The following RAB4A variants were observed in gnomAD, a reference collection of about 807,000 sequenced individuals.
RAB4A encodes the protein ras-related protein Rab-4A.
In RAB4A, 20 loss-of-function variants were observed where a neutral mutation model predicts 34.5. That is an observed-to-expected ratio of 0.58 (90% CI 0.41 to 0.84). The LOEUF (loss-of-function observed/expected upper bound fraction) is 0.84. RAB4A is among the 40% of genes least tolerant of loss of function. The pLI is 0.00. For synonymous variants in RAB4A, 102 were observed against 100.0 expected, an observed-to-expected ratio of 1.02 and a Z score of -0.12; for missense variants, 228 against 274.5, an observed-to-expected ratio of 0.83 and a Z score of 1.20.
rs1657312344 is a variant in RAB4A at position 229,298,997 on chromosome 1, A to G, written c.466A>G (p.Ser156Gly). ...TTTAGAGCTGATGTTTTTGGAAACAAGTGCGCTCACAGGGGAGAATGTAGA... is the reference window on the plus strand; with the variant it reads ...TTTAGAGCTGATGTTTTTGGAAACAGGTGCGCTCACAGGGGAGAATGTAGA... ...QENELMFLET[S>G]ALTGENVEEA... Residue 156 changes from serine (S) to glycine (G), a missense_variant, in exon 6 of 8, where the codon AGT becomes GGT. Ser to Gly is a moderately conservative substitution (Grantham distance 56). Transcript: ENST00000366690. 1.2e-6 allele frequency: 2 copies of G among 1,609,740 alleles called. No homozygotes were observed. Among genetic ancestry groups the G allele is most frequent in the African/African-American group, 1.3e-5 (1 of 74,586 alleles).
chr1:229,302,307 ATATTT>A (rs1199178263), intron 6 of RAB4A, among the ~76,000 whole-genome samples: 8 of 34,990 alleles, frequency 2.3e-4, no homozygotes, highest in Non-Finnish European at 3.5e-4. Context: ...ATATATATAT[ATATTT>A]TTTTTTTTTT....
intron 6 of RAB4A, among the ~76,000 whole-genome samples, chr1:229,299,443 C>T (rs1657326243): frequency 6.6e-6 from 1 of 152,132 alleles, no homozygotes; most frequent in Admixed American, 6.5e-5. Context: ...GGCCAGTGGT[C>T]ATGTGTAAGG....
intron 3 of RAB4A, among the ~76,000 whole-genome samples, chr1:229,291,608 G>GT (rs1657088383): frequency 6.6e-6 from 1 of 152,148 alleles, no homozygotes; most frequent in Non-Finnish European, 1.5e-5. Context: ...TGAGTTTTCT[G>GT]TTTGTTTCCC....
intron 6 of RAB4A, among the ~76,000 whole-genome samples, chr1:229,302,620 CT>C (rs1313657428): frequency 1.3e-5 from 2 of 151,612 alleles, no homozygotes; most frequent in Non-Finnish European, 2.9e-5. Context: ...AAAAGTCCCC[CT>C]GTTACCACCC....
intron 5 of RAB4A, 117 bp downstream of exon 5, chr1:229,297,753 G>C: frequency 1.7e-6 from 2 of 1,151,404 alleles, no homozygotes; most frequent in Non-Finnish European, 2.4e-6. Context: ...TAGGAAATGT[G>C]GAATTTCCAA....
rs532853417 is a variant in RAB4A, at chr1:229,294,143, C to A, written c.228-1705C>A. Reference sequence around the variant, plus strand: ...ATGCCTCTTCCTAGGCCAGGACGGGCCTGGAGGGTGGGACCAAAAAGAGTC... The same window carrying A: ...ATGCCTCTTCCTAGGCCAGGACGGGACTGGAGGGTGGGACCAAAAAGAGTC... On this transcript the variant is annotated intron_variant, in intron 3 of 7. Coordinates refer to ENST00000366690, the MANE Select transcript of RAB4A (RefSeq NM_004578.4). Among the ~76,000 whole-genome samples the A allele has an allele frequency of 2.0e-5, 3 of 152,192 alleles. No individual in the cohort carries two copies. The South Asian group carries it at 6.2e-4, about 32-fold the overall frequency.
intron 1 of RAB4A, among the ~76,000 whole-genome samples, chr1:229,278,836 A>C (rs1204034810): frequency 1.3e-5 from 2 of 152,196 alleles, no homozygotes; most frequent in Non-Finnish European, 2.9e-5. Context: ...CCCCCACCTG[A>C]AATGATGTTG....
intron 6 of RAB4A, among the ~76,000 whole-genome samples, chr1:229,300,518 A>G (rs905617768): frequency 6.6e-6 from 1 of 152,190 alleles, no homozygotes; most frequent in Non-Finnish European, 1.5e-5. Flanking sequence ...GGACAGGACA[A>G]CTGACTCTTA....
At chr1:229,293,994 G>A (rs1185138402) in intron 3 of RAB4A, among the ~76,000 whole-genome samples, 3 of 152,294 alleles carry the variant, frequency 2.0e-5, no homozygotes, top group East Asian at 1.9e-4. Flanking sequence ...GGACAGCAGC[G>A]TGGGCAGACA....
chr1:229,297,178 A>G (rs928850742), intron 4 of RAB4A, among the ~76,000 whole-genome samples: 2 of 152,274 alleles, frequency 1.3e-5, no homozygotes, highest in South Asian at 2.1e-4. Context: ...TGCCTTGCGC[A>G]TGCTAAGAGC....
intron 3 of RAB4A, among the ~76,000 whole-genome samples, chr1:229,293,235 C>A (rs1191210524): frequency 6.6e-6 from 1 of 152,206 alleles, no homozygotes; most frequent in Non-Finnish European, 1.5e-5. Flanking sequence ...GACCCCCATC[C>A]TTTTGGTTTT....
Position 229,295,894 on chromosome 1 carries a change from G to A in RAB4A, c.274G>A (p.Val92Ile), listed in dbSNP as rs774386684. 66 of 1,613,958 alleles carry A rather than the reference G, an allele frequency of 4.1e-5. 1 individual carries two copies. Among genetic ancestry groups the A allele is most frequent in the Middle Eastern group, 1.6e-4 (1 of 6,082 alleles). Reference sequence around the variant, plus strand: ...CCGAGGCGCGGCCGGGGCTCTCCTCGTCTATGATATCACCAGGTAATGCCA... The same window carrying A: ...CCGAGGCGCGGCCGGGGCTCTCCTCATCTATGATATCACCAGGTAATGCCA... ...YYRGAAGALL[V>I]YDITSRETYN... is the part of the protein sequence containing the mutation. Residue 92 changes from valine to isoleucine, a missense_variant, in exon 4 of 8, where the codon GTC (valine) becomes ATC (isoleucine). Transcript: ENST00000366690.
chr1:229,288,683 T>C (rs778317447), intron 2 of RAB4A, 46 bp from the exon 3 acceptor site: 1 of 1,001,768 alleles, frequency 1.0e-6, no homozygotes, highest in Non-Finnish European at 1.6e-6. Context: ...TATAAGCCTG[T>C]TAATGTTCTA....
At chr1:229,298,536 T>G (rs1251538898) in intron 5 of RAB4A, among the ~76,000 whole-genome samples, 1 of 152,226 alleles carries the variant, frequency 6.6e-6, no homozygotes, top group Non-Finnish European at 1.5e-5. Flanking sequence ...ATACTGTCTC[T>G]TCATGGGCTG....
intron 4 of RAB4A, among the ~76,000 whole-genome samples, chr1:229,297,199 T>C (rs923643660): frequency 1.3e-5 from 2 of 152,246 alleles, no homozygotes; most frequent in African/African-American, 2.4e-5. Flanking sequence ...TCAATAGATA[T>C]TTGTCAATTG....
At chr1:229,290,527 G>A (rs1355380656) in intron 3 of RAB4A, among the ~76,000 whole-genome samples, 1 of 152,112 alleles carries the variant, frequency 6.6e-6, no homozygotes, top group Non-Finnish European at 1.5e-5. Flanking sequence ...AACCCTCCAA[G>A]CCCACCTGCT....
At chr1:229,284,616 A>G (rs1656875707) in intron 1 of RAB4A, among the ~76,000 whole-genome samples, 1 of 152,056 alleles carries the variant, frequency 6.6e-6, no homozygotes. Flanking sequence ...TTTCTTTACA[A>G]GCCTTCTTTC....
intron 1 of RAB4A, among the ~76,000 whole-genome samples, chr1:229,283,913 T>TTA (rs1656848258): frequency 7.6e-6 from 1 of 131,750 alleles, no homozygotes; most frequent in African/African-American, 3.1e-5. Flanking sequence ...TATTATTATT[T>TTA]TTAATAGAGA....
intron 1 of RAB4A, among the ~76,000 whole-genome samples, chr1:229,277,227 T>C (rs1465255948): frequency 6.6e-6 from 1 of 150,726 alleles, no homozygotes; most frequent in Non-Finnish European, 1.5e-5. Context: ...CCTGGAGCAA[T>C]TGTTGGGAGT....
Sources: allele counts gnomAD v4.1 joint callset (sites outside exome capture counted in the v4.1 genomes callset), GRCh38; gene constraint gnomAD v4.1.1; transcripts MANE v1.5; gene names NCBI Gene and HGNC (gene_info 2026-07-23, HGNC 2026-07-21).